The following ERICH3 variants were observed in gnomAD, a reference collection of about 807,000 sequenced individuals.
ERICH3 encodes glutamate rich 3.
A neutral mutation model predicts 131.1 loss-of-function variants in ERICH3; 126 were observed. The ratio of observed to expected loss-of-function variants is 0.96; its 90% confidence interval spans 0.83 to 1.11. ERICH3 has a LOEUF of 1.11. ERICH3 is among the 50% of genes most tolerant of loss of function. The pLI, the probability that ERICH3 is intolerant of heterozygous loss-of-function variation, is 0.00. For missense variants in ERICH3, 2,050 were observed against 1,810.7 expected (o/e 1.13, Z -2.40); for synonymous variants, 695 against 644.6 (o/e 1.08, Z -1.18).
chr1:74,632,768 C>T (rs1015967353), intron 6 of ERICH3, among the ~76,000 whole-genome samples: 6 of 151,792 alleles, frequency 4.0e-5, no homozygotes, highest in African/African-American at 9.7e-5. Context: ...AAATAATTTA[C>T]GTGTGAATTC....
At chr1:74,623,881 C>G (rs1223134739) in intron 7 of ERICH3, 1 of 152,152 alleles carries the variant, frequency 6.6e-6, no homozygotes, top group South Asian at 2.1e-4. Flanking sequence ...TGTCTGGCAA[C>G]GGAACTGATT....
intron 5 of ERICH3, among the ~76,000 whole-genome samples, chr1:74,640,577 A>G (rs572678272): frequency 6.6e-6 from 1 of 152,310 alleles, no homozygotes; most frequent in South Asian, 2.1e-4. Context: ...CAATTTATTT[A>G]CAACTTAAAC....
intron 11 of ERICH3, among the ~76,000 whole-genome samples, chr1:74,596,377 A>G (rs1027566817): frequency 2.6e-5 from 4 of 152,036 alleles, no homozygotes; most frequent in Admixed American, 1.3e-4. Context: ...TATATTTATG[A>G]GACACAATGT....
At position 74,643,039 on chromosome 1, in the gene ERICH3, G is replaced by T; in HGVS notation, c.303C>A (p.Ile101=). 1 of 1,609,104 alleles carries T rather than the reference G, an allele frequency of 6.2e-7. No individual in the cohort carries two copies. Among genetic ancestry groups the T allele is most frequent in the Non-Finnish European group, 8.5e-7 (1 of 1,176,732 alleles). ...KLETLARKER[I]QRFKGEHTRR... is the part of the protein sequence containing the mutation. ...TATAACTCCTTACCTTAAACCTCTGGATTCGCTCCTTCCTAGCTAAGGTCT... is the reference window on the plus strand; with the variant it reads ...TATAACTCCTTACCTTAAACCTCTGTATTCGCTCCTTCCTAGCTAAGGTCT... The change falls in exon 4 of 15, where the codon ATC becomes ATA. Residue 101 remains isoleucine (I), a synonymous_variant. Transcript: ENST00000326665.
chr1:74,609,714 T>G (rs1648594340), intron 9 of ERICH3, among the ~76,000 whole-genome samples: 1 of 152,062 alleles, frequency 6.6e-6, no homozygotes, highest in African/African-American at 2.4e-5. Flanking sequence ...CAGATTTCAT[T>G]GGAAAAATGG....
At chr1:74,649,832 T>C (rs938561755) in intron 1 of ERICH3, among the ~76,000 whole-genome samples, 3 of 152,110 alleles carry the variant, frequency 2.0e-5, no homozygotes, top group East Asian at 1.9e-4. Flanking sequence ...ATAATATCTG[T>C]GGTGTATAAG....
At position 74,596,689 on chromosome 1, in the gene ERICH3, T is replaced by C. The variant is rs548406352; in HGVS notation, c.1726+3006A>G. On this transcript the variant is annotated intron_variant, in intron 11 of 14. Coordinates refer to ENST00000326665, the MANE Select transcript of ERICH3 (RefSeq NM_001002912.5). ...GACATGATACTTTTCCCCTCAACCTTATAACATTCATCTATGACAATATAT... is the reference window on the plus strand; with the variant it reads ...GACATGATACTTTTCCCCTCAACCTCATAACATTCATCTATGACAATATAT... 3.3e-5 allele frequency among the ~76,000 whole-genome samples: 5 copies of C among 152,206 alleles called. No homozygotes were observed. The South Asian group carries it at 6.2e-4, about 19-fold the overall frequency.
At chr1:74,640,921 C>T (rs907596385) in intron 5 of ERICH3, among the ~76,000 whole-genome samples, 1 of 151,930 alleles carries the variant, frequency 6.6e-6, no homozygotes, top group African/African-American at 2.4e-5. Flanking sequence ...GTATAGTGGT[C>T]CCATTTTGCT....
At position 74,646,466 on chromosome 1, in the gene ERICH3, G is replaced by C. The variant is rs1328224995; in HGVS notation, c.243+201C>G. Among the ~76,000 whole-genome samples, 3 of 152,162 alleles carry C rather than the reference G, an allele frequency of 2.0e-5. 1 individual carries two copies. In the Middle Eastern group the frequency reaches 0.01, roughly 518 times the overall value. On this transcript the variant is annotated intron_variant, in intron 3 of 14. Transcript: ENST00000326665. ...GACTTCTGGCTCCTGGCTACCCAGA[G>C]AGATATTGAGTATTTCTTTCATTTT...
Position 74,620,863 on chromosome 1 carries a change from T to C in ERICH3, c.871A>G (p.Met291Val), listed in dbSNP as rs577910329. The change falls in exon 8 of 15, where the codon ATG (methionine) becomes GTG (valine). Residue 291 changes from methionine to valine, a missense_variant. Coordinates refer to ENST00000326665, the MANE Select transcript of ERICH3 (RefSeq NM_001002912.5). Reference sequence around the variant, plus strand: ...TGCACATTTTTCCCCAAATAGATCATTGTAATAGCTGCATTACTATGTAAG... The same window carrying C: ...TGCACATTTTTCCCCAAATAGATCACTGTAATAGCTGCATTACTATGTAAG... ...TSLHSNAAIT[M>V]IYLGKNVHLS... 3 of 1,612,556 alleles carry C rather than the reference T, an allele frequency of 1.9e-6. No homozygotes were observed. The highest frequency in any genetic ancestry group is 2.2e-5 in the South Asian group (2 of 90,884).
At position 74,571,367 on chromosome 1, in the gene ERICH3, TGCTCCTGTCCTAGCCCTGAGGTCTTCC is replaced by T. The variant is rs1646941381; in HGVS notation, c.4316_4342del (p.Arg1439_Glu1447del). The T allele has an allele frequency of 6.2e-7, 1 of 1,613,894 alleles. No homozygotes were observed. Among genetic ancestry groups the T allele is most frequent in the Admixed American group, 1.7e-5 (1 of 59,998 alleles). ...CTCCTGGCCCTCTGACCCTTCCTCT[TGCTCCTGTCCTAGCCCTGAGGTCTTCC>T]GCTCCAGGGCTCCTGGAGTGCCCAC... On this transcript the variant is annotated inframe_deletion, in exon 14 of 15. Coordinates refer to ENST00000326665, the MANE Select transcript of ERICH3 (RefSeq NM_001002912.5).
chr1:74,624,532 T>G (rs1649349739), intron 7 of ERICH3: 2 of 152,344 alleles, frequency 1.3e-5, no homozygotes, highest in East Asian at 3.9e-4. Flanking sequence ...TTTTGGGCCA[T>G]TTTTCTTACT....
In ERICH3 at chr1:74,637,458, T is replaced by A. The variant is rs191697370; in HGVS notation, c.445-1020A>T. 2.3e-3 allele frequency among the ~76,000 whole-genome samples: 348 copies of A among 152,270 alleles called. 3 individuals are homozygous for A. The highest frequency in any genetic ancestry group is 7.9e-3 in the African/African-American group (327 of 41,550). On this transcript the variant is annotated intron_variant, in intron 5 of 14. Transcript: ENST00000326665. ...GCCTACTTCTTTGCAAATAGCTTTTTAAACACTTTCTAATTACACTGTTTG... is the reference window on the plus strand; with the variant it reads ...GCCTACTTCTTTGCAAATAGCTTTTAAAACACTTTCTAATTACACTGTTTG...
intron 8 of ERICH3, 82 bp downstream of exon 8, chr1:74,620,652 G>C (rs1649172648): frequency 1.6e-6 from 2 of 1,222,364 alleles, no homozygotes; most frequent in Non-Finnish European, 2.2e-6. Flanking sequence ...AGTGATTGAA[G>C]TCATTTTGAT....
chr1:74,577,915 A>G (rs901758616), intron 12 of ERICH3, among the ~76,000 whole-genome samples: 5 of 152,230 alleles, frequency 3.3e-5, no homozygotes, highest in Non-Finnish European at 7.3e-5. Flanking sequence ...CATTTCATCC[A>G]TTAGTAGATT....
intron 7 of ERICH3, among the ~76,000 whole-genome samples, chr1:74,628,214 T>C (rs893818399): frequency 6.6e-6 from 1 of 152,162 alleles, no homozygotes; most frequent in Non-Finnish European, 1.5e-5. Context: ...TCAAAGTTCT[T>C]ACATATTTTC....
At chr1:74,618,819 C>T (rs1649091338) in intron 8 of ERICH3, among the ~76,000 whole-genome samples, 1 of 152,124 alleles carries the variant, frequency 6.6e-6, no homozygotes, top group African/African-American at 2.4e-5. Flanking sequence ...TAACGAAAGC[C>T]AAATCTTAAT....
At chr1:74,591,668 C>G (rs545077850) in intron 11 of ERICH3, among the ~76,000 whole-genome samples, 3 of 152,096 alleles carry the variant, frequency 2.0e-5, no homozygotes, top group Non-Finnish European at 4.4e-5. Context: ...TATGTAATAC[C>G]TAGAAAGGTT....
intron 12 of ERICH3, among the ~76,000 whole-genome samples, chr1:74,580,117 T>TA (rs1647151694): frequency 6.6e-6 from 1 of 151,916 alleles, no homozygotes; most frequent in African/African-American, 2.4e-5. Context: ...AAGAAGAAAA[T>TA]AATTATCATA....
Sources: gnomAD v4.1 joint callset for allele counts (sites outside exome capture counted in the v4.1 genomes callset) on GRCh38, gnomAD v4.1.1 for gene constraint, MANE v1.5 for transcripts, NCBI Gene and HGNC (gene_info 2026-07-23, HGNC 2026-07-21) for gene names.